The following SDC3 variants were observed in gnomAD, a reference collection of about 807,000 sequenced individuals.
SDC3 encodes syndecan 3.
A neutral mutation model predicts 24.4 loss-of-function variants in SDC3; 13 were observed. That is an observed-to-expected ratio of 0.53 (90% confidence interval 0.35 to 0.85). The LOEUF is 0.85. Ranked by LOEUF, SDC3 falls within the 40% of genes least tolerant of loss-of-function variation. The pLI is 0.01. For synonymous variants in SDC3, 295 were observed against 260.9 expected, an observed-to-expected ratio of 1.13 and a Z score of -1.26; for missense variants, 571 against 584.5, an observed-to-expected ratio of 0.98 and a Z score of 0.24.
intron 1 of SDC3, among the ~76,000 whole-genome samples, chr1:30,885,717 T>C (rs1419548774): frequency 2.0e-5 from 3 of 152,188 alleles, no homozygotes; most frequent in African/African-American, 4.8e-5. Flanking sequence ...CTCCCTCCCC[T>C]GGCATCAGCC....
chr1:30,886,601 G>T (rs1177284564), intron 1 of SDC3, among the ~76,000 whole-genome samples: 2 of 152,260 alleles, frequency 1.3e-5, no homozygotes, highest in African/African-American at 2.4e-5. Flanking sequence ...CACCAGTGGG[G>T]TCACACAGGA....
At chr1:30,873,640 T>C (rs1292908142) in intron 4 of SDC3, among the ~76,000 whole-genome samples, 3 of 152,060 alleles carry the variant, frequency 2.0e-5, no homozygotes, top group Non-Finnish European at 2.9e-5. Context: ...CTTCATCAAA[T>C]TTAAAATGCC....
At chr1:30,900,489 A>G (rs1053394145) in intron 1 of SDC3, among the ~76,000 whole-genome samples, 3 of 152,162 alleles carry the variant, frequency 2.0e-5, no homozygotes, top group Admixed American at 6.5e-5. Context: ...AGACTGACAC[A>G]GGCACCTATA....
At chr1:30,884,984 G>A (rs1055080693) in intron 1 of SDC3, among the ~76,000 whole-genome samples, 28 of 152,310 alleles carry the variant, frequency 1.8e-4, no homozygotes, top group East Asian at 5.8e-4. Context: ...ATGTGTCATA[G>A]AAGGCTTTTT....
intron 1 of SDC3, among the ~76,000 whole-genome samples, chr1:30,887,736 C>T (rs1639851332): frequency 6.6e-6 from 1 of 152,226 alleles, no homozygotes; most frequent in Non-Finnish European, 1.5e-5. Context: ...CAGACTGCTT[C>T]TGGAACACAG....
chr1:30,875,389 G>A (rs1181926301), intron 3 of SDC3, among the ~76,000 whole-genome samples: 1 of 152,098 alleles, frequency 6.6e-6, no homozygotes, highest in Non-Finnish European at 1.5e-5. Context: ...CTTCCTGCTT[G>A]GCCAAGTCTG....
At chr1:30,894,661 T>TGA (rs149774413) in intron 1 of SDC3, among the ~76,000 whole-genome samples, 37,968 of 73,902 alleles carry the variant, frequency 0.51, 7,434 homozygotes, top group African/African-American at 0.69. Context: ...TGTGTGTGGG[T>TGA]GAGTGTGTGT....
rs775969974 is a variant in SDC3, at chr1:30,873,276, C to G, written c.1264G>C (p.Glu422Gln). ...KKKDEGSYTLEEPKQASVTYQ... is the reference protein window; with the variant it reads ...KKKDEGSYTLQEPKQASVTYQ... ...GTGACGCTCGCCTGCTTGGGTTCCT[C>G]CAGCGTGTAGCTGCCCTCATCCTTT... The change falls in exon 5 of 5, where the codon GAG (glutamate) becomes CAG (glutamine). Residue 422 changes from glutamate (E) to glutamine (Q), a missense_variant. Glu to Gln is a conservative substitution (Grantham distance 29). Transcript: ENST00000339394. 7 of 1,613,398 alleles carry G rather than the reference C, an allele frequency of 4.3e-6. No individual in the cohort carries two copies. Among genetic ancestry groups the G allele is most frequent in the Non-Finnish European group, 5.9e-6 (7 of 1,179,446 alleles).
intron 1 of SDC3, among the ~76,000 whole-genome samples, chr1:30,894,626 TGAGA>T (rs1191761433): frequency 2.9e-5 from 1 of 34,138 alleles, no homozygotes; most frequent in Non-Finnish European, 6.8e-5. Flanking sequence ...TGAGTGTGGG[TGAGA>T]GTGTGTGGGT....
rs540347435 is a variant in SDC3, at chr1:30,869,937, G to A, written c.*3274C>T. ...CAGGCAGGCACCTGGGGGATGCTGG[G>A]GCCATCGGCTCTCAGATGGCAACTC... On this transcript the variant is annotated 3_prime_UTR_variant, in exon 5 of 5. Transcript: ENST00000339394. 1.0e-5 allele frequency: 4 copies of A among 398,542 alleles called. No individual in the cohort carries two copies. In the South Asian group the frequency reaches 5.1e-4, roughly 51 times the overall value. The allele number at this position is 398,542 out of a possible 1,614,324, so 24.7% of individuals were successfully genotyped here.
chr1:30,894,498 GT>G (rs1298415503), intron 1 of SDC3, among the ~76,000 whole-genome samples: 1,812 of 95,428 alleles, frequency 0.019, 93 homozygotes, highest in African/African-American at 0.078. Context: ...AATGTGGGGG[GT>G]GAGTATGAGT....
intron 1 of SDC3, among the ~76,000 whole-genome samples, chr1:30,899,336 C>T (rs569172087): frequency 2.0e-5 from 3 of 152,222 alleles, no homozygotes; most frequent in South Asian, 2.1e-4. Flanking sequence ...CTGCTCGCCT[C>T]GGCCTCCCAA....
intron 1 of SDC3, 82 bp downstream of exon 1, chr1:30,908,363 AGGGG>A: frequency 6.6e-6 from 4 of 609,308 alleles, no homozygotes; most frequent in Non-Finnish European, 7.2e-6. Flanking sequence ...GGGGTCCCGG[AGGGG>A]GGGTCGCGGG....
intron 1 of SDC3, among the ~76,000 whole-genome samples, chr1:30,905,972 C>A (rs1638512103): frequency 6.6e-6 from 1 of 151,922 alleles, no homozygotes; most frequent in South Asian, 2.1e-4. Flanking sequence ...CACACACACA[C>A]ACACACACAC....
Position 30,869,547 on chromosome 1 carries a change from A to C in SDC3, c.*3664T>G, listed in dbSNP as rs2491130. The C allele has an allele frequency of 2.4e-5, 9 of 375,368 alleles. No individual in the cohort carries two copies. Among genetic ancestry groups the C allele is most frequent in the African/African-American group, 4.2e-5 (2 of 47,706 alleles). The allele number at this position is 375,368 out of a possible 1,614,324, so 23.3% of individuals were successfully genotyped here. ...AAAAAACAAACAAACAAAAAAAAAA[A>C]AAAAAAAAAAAAAACAAAAACAAAA... is the stretch of plus-strand genomic sequence containing the variant. On this transcript the variant is annotated 3_prime_UTR_variant, in exon 5 of 5. Transcript: ENST00000339394.
intron 3 of SDC3, among the ~76,000 whole-genome samples, chr1:30,875,491 A>G (rs1455259659): frequency 1.3e-5 from 2 of 152,162 alleles, no homozygotes; most frequent in Non-Finnish European, 2.9e-5. Flanking sequence ...AGGGACTGAC[A>G]CTGACCCCAA....
chr1:30,874,527 C>A lies in SDC3; in HGVS notation c.932G>T (p.Gly311Val). The change falls in exon 4 of 5, where the codon GGG becomes GTG. Residue 311 changes from glycine (G) to valine (V), a missense_variant. Physicochemically the swap from Gly to Val is moderately radical, Grantham distance 109 (BLOSUM62 -3). Coordinates refer to ENST00000339394, the MANE Select transcript of SDC3 (RefSeq NM_014654.4). ...IRDEPEVPVS[G>V]GPSGDFELPE... Reference sequence around the variant, plus strand: ...CAGCTCGAAGTCTCCACTGGGCCCCCCACTCACCGGAACCTCTGGCTCATC... The same window carrying A: ...CAGCTCGAAGTCTCCACTGGGCCCCACACTCACCGGAACCTCTGGCTCATC... The A allele has an allele frequency of 6.2e-7, 1 of 1,614,142 alleles. No homozygotes were observed. Among genetic ancestry groups the A allele is most frequent in the Non-Finnish European group, 8.5e-7 (1 of 1,180,014 alleles).
chr1:30,894,239 G>A (rs932262371), intron 1 of SDC3, among the ~76,000 whole-genome samples: 3 of 141,392 alleles, frequency 2.1e-5, no homozygotes, highest in Non-Finnish European at 3.1e-5. Flanking sequence ...GGACGACAGC[G>A]TGTGTGTGGA....
At chr1:30,898,046 TGGA>T (rs1638317283) in intron 1 of SDC3, among the ~76,000 whole-genome samples, 6 of 147,342 alleles carry the variant, frequency 4.1e-5, no homozygotes. Context: ...CTCTTCCATG[TGGA>T]GGACCTGTGG....
Sources: allele counts gnomAD v4.1 joint callset (sites outside exome capture counted in the v4.1 genomes callset), GRCh38; gene constraint gnomAD v4.1.1; transcripts MANE v1.5; gene names NCBI Gene and HGNC (gene_info 2026-07-23, HGNC 2026-07-21).